Variants in NUS1 observed in about 807,000 individuals in gnomAD.
NUS1 encodes the protein dehydrodolichyl diphosphate synthase complex subunit NUS1.
For synonymous variants in NUS1, 135 were observed against 155.2 expected, an observed-to-expected ratio of 0.87 and a Z score of 0.97; for missense variants, 292 against 382.9, an observed-to-expected ratio of 0.76 and a Z score of 1.98.
chr6:117,706,833 T>C, intron 4 of NUS1, 92 bp from the exon 5 acceptor site: 1 of 974,378 alleles, frequency 1.0e-6, no homozygotes, highest in Non-Finnish European at 1.6e-6. Context: ...GTGTATTCTA[T>C]TCTTAACTTC....
intron 1 of NUS1, among the ~76,000 whole-genome samples, chr6:117,678,199 A>G (rs1006572328): frequency 6.6e-6 from 1 of 152,256 alleles, no homozygotes; most frequent in Non-Finnish European, 1.5e-5. Flanking sequence ...GAGCATTTTC[A>G]GTGAAAGGGC....
rs539105502 is a variant in NUS1, at chr6:117,702,095, G to A, written c.692-1510G>A. On this transcript the variant is annotated intron_variant, in intron 3 of 4. Coordinates refer to ENST00000368494, the MANE Select transcript of NUS1 (RefSeq NM_138459.5). ...CTAGTATGTATGTTATTTCCCAGTC[G>A]GCCATGGATATGTGAGAGTTTATCT... 5.3e-5 allele frequency among the ~76,000 whole-genome samples: 8 copies of A among 152,168 alleles called. No individual in the cohort carries two copies. The South Asian group carries it at 1.2e-3, about 24-fold the overall frequency.
At chr6:117,692,359 T>A (rs1030045831) in intron 1 of NUS1, among the ~76,000 whole-genome samples, 1 of 152,072 alleles carries the variant, frequency 6.6e-6, no homozygotes, top group African/African-American at 2.4e-5. Context: ...CCTTTTTTTT[T>A]AGTCAGAGCT....
intron 2 of NUS1, 70 bp from the exon 3 acceptor site, chr6:117,693,961 C>G (rs1238322952): frequency 3.3e-6 from 5 of 1,530,354 alleles, no homozygotes; most frequent in Non-Finnish European, 4.4e-6. Context: ...CCTTGTATTT[C>G]TTAAAACTGC....
At chr6:117,678,697 T>C (rs1281493407) in intron 1 of NUS1, among the ~76,000 whole-genome samples, 2 of 117,394 alleles carry the variant, frequency 1.7e-5, no homozygotes, top group Admixed American at 8.9e-5. Flanking sequence ...TTTTTTTTTT[T>C]TGAGACGGAG....
rs1480248296 is a variant in NUS1, at chr6:117,709,955, T to C, written c.*2940T>C. 6.6e-6 allele frequency: 1 copy of C among 152,378 alleles called. No homozygotes were observed. The highest frequency in any genetic ancestry group is 2.4e-5 in the African/African-American group (1 of 41,444). 9.4% of individuals were successfully genotyped at this position (152,378 alleles called of 1,614,324 possible). A position where few individuals can be genotyped will look rare whatever the true frequency, so the allele number is the denominator to read the frequency against. The stretch of plus-strand genomic sequence containing the variant: ...TCTTGATTGAAATATATTCTCACTT[T>C]TACCAGGTTAAACATTTGGAATCTT... On this transcript the variant is annotated 3_prime_UTR_variant, in exon 5 of 5. Coordinates refer to ENST00000368494, the MANE Select transcript of NUS1 (RefSeq NM_138459.5).
At chr6:117,695,083 A>T (rs1314945986) in intron 3 of NUS1, among the ~76,000 whole-genome samples, 3 of 150,408 alleles carry the variant, frequency 2.0e-5, no homozygotes, top group African/African-American at 7.3e-5. Context: ...GGTCCCAGCT[A>T]CTCAGAAGGC....
intron 3 of NUS1, among the ~76,000 whole-genome samples, chr6:117,698,128 T>A (rs1364424855): frequency 6.6e-6 from 1 of 151,880 alleles, no homozygotes. Flanking sequence ...AAATACAACA[T>A]ACCAAAACCT....
At chr6:117,682,622 T>A (rs1773077601) in intron 1 of NUS1, among the ~76,000 whole-genome samples, 2 of 152,162 alleles carry the variant, frequency 1.3e-5, no homozygotes, top group African/African-American at 4.8e-5. Flanking sequence ...CAAACCTGTA[T>A]CTTAAGCGTA....
chr6:117,695,165 G>T (rs1773298151), intron 3 of NUS1, among the ~76,000 whole-genome samples: 1 of 116,946 alleles, frequency 8.6e-6, no homozygotes, highest in Non-Finnish European at 1.6e-5. Context: ...GTACACTCTA[G>T]CCTGGGTGAC....
At chr6:117,679,298 G>A (rs1773028253) in intron 1 of NUS1, among the ~76,000 whole-genome samples, 1 of 152,176 alleles carries the variant, frequency 6.6e-6, no homozygotes, top group Non-Finnish European at 1.5e-5. Flanking sequence ...ATTGGGATTG[G>A]CGTGAACAGT....
intron 1 of NUS1, among the ~76,000 whole-genome samples, chr6:117,691,398 C>T (rs907899759): frequency 2.6e-5 from 4 of 151,626 alleles, no homozygotes; most frequent in Non-Finnish European, 5.9e-5. Context: ...GATATCTTCT[C>T]TAGTTTTTTC....
chr6:117,686,129 T>C (rs11153693), intron 1 of NUS1, among the ~76,000 whole-genome samples: 109,681 of 150,820 alleles, frequency 0.73, 41,004 homozygotes, highest in Non-Finnish European at 0.84. Context: ...GGCGTGGTGG[T>C]GGGCGCCTAT....
chr6:117,676,328 C>G (rs1376879387), intron 1 of NUS1, among the ~76,000 whole-genome samples: 1 of 152,208 alleles, frequency 6.6e-6, no homozygotes. Context: ...CCTGTAATCC[C>G]AGCACTTTGG....
At chr6:117,686,072 T>C (rs201530060) in intron 1 of NUS1, among the ~76,000 whole-genome samples, 1 of 151,798 alleles carries the variant, frequency 6.6e-6, no homozygotes, top group South Asian at 2.1e-4. Flanking sequence ...CCATCCTGGC[T>C]AACACGGTGA....
chr6:117,690,079 T>C (rs1773194221), intron 1 of NUS1, among the ~76,000 whole-genome samples: 1 of 152,244 alleles, frequency 6.6e-6, no homozygotes, highest in South Asian at 2.1e-4. Context: ...GATTATATCC[T>C]ACACTTCTGC....
At chr6:117,690,546 G>C (rs2114684867) in intron 1 of NUS1, among the ~76,000 whole-genome samples, 1 of 152,092 alleles carries the variant, frequency 6.6e-6, no homozygotes, top group Non-Finnish European at 1.5e-5. Context: ...TACTCACATT[G>C]GTGCTTATAT....
chr6:117,692,934 T>C, intron 1 of NUS1, 108 bp from the exon 2 acceptor site: 1 of 889,076 alleles, frequency 1.1e-6, no homozygotes, highest in South Asian at 1.7e-5. Flanking sequence ...TACAGCTTTG[T>C]TTGACATTCG....
At chr6:117,681,507 A>G (rs937775250) in intron 1 of NUS1, among the ~76,000 whole-genome samples, 1 of 152,226 alleles carries the variant, frequency 6.6e-6, no homozygotes, top group Non-Finnish European at 1.5e-5. Flanking sequence ...AAATGAACAT[A>G]GTTTACCCTA....
Sources: gnomAD v4.1 joint callset for allele counts (sites outside exome capture counted in the v4.1 genomes callset) on GRCh38, gnomAD v4.1.1 for gene constraint, MANE v1.5 for transcripts, NCBI Gene and HGNC (gene_info 2026-07-23, HGNC 2026-07-21) for gene names.